FGF22: variants seen among roughly 807,000 people sequenced by gnomAD.
FGF22 encodes the protein fibroblast growth factor 22.
Under a neutral mutation model 10.3 loss-of-function variants are expected in FGF22, and 11 were observed. That is an observed-to-expected ratio of 1.07 (90% CI 0.67 to 1.77). The LOEUF (loss-of-function observed/expected upper bound fraction) is 1.77. FGF22 is among the 40% of genes most tolerant of loss of function. The probability of loss-of-function intolerance (pLI) is 0.00; values close to 1 mark genes in which losing one functional copy is unlikely to be tolerated. For synonymous variants in FGF22, 136 were observed against 122.1 expected (o/e 1.11, Z -0.75); for missense variants, 317 against 273.2 (o/e 1.16, Z -1.13).
At chr19:643,047 G>T (rs890731258) in intron 1 of FGF22, among the ~76,000 whole-genome samples, 188 bp from the exon 2 acceptor site, 1 of 152,122 alleles carries the variant, frequency 6.6e-6, no homozygotes, top group Non-Finnish European at 1.5e-5. Flanking sequence ...CACATGCTGG[G>T]GGGGGCTCCT....
chr19:642,050 G>A (rs1025136796), intron 1 of FGF22, among the ~76,000 whole-genome samples: 10 of 152,204 alleles, frequency 6.6e-5, no homozygotes, highest in African/African-American at 1.9e-4. Flanking sequence ...GCTGCTGAGC[G>A]GGCTTGGTAG....
chr19:643,849 G>C (rs11572894), exon 3 of FGF22: 7 of 488,250 alleles, frequency 1.4e-5, no homozygotes, highest in East Asian at 1.4e-4. Flanking sequence ...GAAGGACGCA[G>C]ACGTCGAAAG....
exon 3 of FGF22, chr19:643,437 C>A: frequency 6.2e-7 from 1 of 1,611,414 alleles, no homozygotes; most frequent in Non-Finnish European, 8.5e-7. Flanking sequence ...CTGCAGGTTC[C>A]GGGAGCGCAT....
chr19:640,705 A>C (rs1328996070), intron 1 of FGF22: 2 of 174,344 alleles, frequency 1.1e-5, no homozygotes, highest in Non-Finnish European at 2.5e-5. Context: ...ACACTGAGGT[A>C]GGCCCTCAGT....
intron 1 of FGF22, chr19:641,140 G>A: frequency 2.2e-6 from 1 of 456,178 alleles, no homozygotes; most frequent in South Asian, 1.5e-5. Flanking sequence ...TGCATTCGCT[G>A]GTCACTAATC....
At chr19:643,636 C>T (rs1985990905) in exon 3 of FGF22, 2 of 1,470,016 alleles carry the variant, frequency 1.4e-6, no homozygotes, top group Non-Finnish European at 1.8e-6. Flanking sequence ...CCCCAAGGTG[C>T]CTGGGCTGGT....
At chr19:644,048 A>C in exon 3 of FGF22, 1 of 185,806 alleles carries the variant, frequency 5.4e-6, no homozygotes, top group Non-Finnish European at 1.1e-5. Flanking sequence ...GCGAGGACAA[A>C]GGCACCTGCA....
chr19:641,790 G>A (rs546734942), intron 1 of FGF22, among the ~76,000 whole-genome samples: 24 of 152,240 alleles, frequency 1.6e-4, no homozygotes, highest in Admixed American at 3.9e-4. Flanking sequence ...AGGCTGCCCC[G>A]AGGAGCTTTC....
intron 1 of FGF22, chr19:641,569 CGTCTCAAAAAAAAAAAAAAAAAAA>C (rs1985903013): frequency 7.4e-6 from 1 of 135,990 alleles, no homozygotes. Flanking sequence ...AGCGAGACTC[CGTCTCAAAAAAAAAAAAAAAAAAA>C]GAACAGTGAA....
At chr19:640,478 C>T (rs1213858275) in intron 1 of FGF22, 2 of 215,448 alleles carry the variant, frequency 9.3e-6, no homozygotes, top group Non-Finnish European at 1.8e-5. Flanking sequence ...GGGGGCTGAC[C>T]TCCGGACTCC....
Position 640,155 on chromosome 19 carries a change from C to T in FGF22, c.214+16C>T. 1 of 1,195,812 alleles carries T rather than the reference C, an allele frequency of 8.4e-7. No individual in the cohort carries two copies. The highest frequency in any genetic ancestry group is 2.4e-5 in the South Asian group (1 of 41,876). 74.1% of individuals were successfully genotyped at this position (1,195,812 alleles called of 1,614,324 possible). A position where few individuals can be genotyped will look rare whatever the true frequency, so the allele number is the denominator to read the frequency against. ...GGCCAGGACAGTGAGTGCGGGGCGG[C>T]GGGGGCCTGGGGTGGGGAGGCGGCG... On this transcript the variant is annotated intron_variant, in intron 1 of 2. Transcript: ENST00000215530.
chr19:643,292 C>G lies in FGF22; in HGVS notation c.272C>G (p.Ser91Ter). The change falls in exon 2 of 3, where the codon TCA becomes TGA. Residue 91 changes from serine (S) to a stop codon, truncating the protein, a stop_gained. Transcript: ENST00000215530. LOFTEE classifies it low-confidence loss of function (END_TRUNC). The stretch of plus-strand genomic sequence containing the variant: ...GTCGTGGTCATCAAAGCAGTGTCCT[C>G]AGGCTTCTACGTGGCCATGAACCGC... The G allele has an allele frequency of 1.2e-6, 2 of 1,611,554 alleles. No homozygotes were observed. Among genetic ancestry groups the G allele is most frequent in the Non-Finnish European group, 1.7e-6 (2 of 1,179,496 alleles).
chr19:640,173 A>G (rs2144740757), intron 1 of FGF22, 34 bp downstream of exon 1: 1 of 1,201,496 alleles, frequency 8.3e-7, no homozygotes, highest in South Asian at 2.8e-5. Context: ...TGGGGTGGGG[A>G]GGCGGCGGGT....
exon 3 of FGF22, chr19:644,003 G>C (rs1003082281): frequency 3.9e-5 from 10 of 255,250 alleles, no homozygotes; most frequent in Non-Finnish European, 7.4e-5. Flanking sequence ...CCTCGAAGCC[G>C]GTCCCGTCCC....
At position 639,916 on chromosome 19, in the gene FGF22, G is replaced by T. The variant is rs758283717; in HGVS notation, c.-10G>T. The T allele has an allele frequency of 1.2e-5, 14 of 1,217,006 alleles. No individual in the cohort carries two copies. In the African/African-American group the frequency reaches 1.7e-4, roughly 15 times the overall value. The allele number at this position is 1,217,006 out of a possible 1,614,324, so 75.4% of individuals were successfully genotyped here. A position where few individuals can be genotyped will look rare whatever the true frequency, so the allele number is the denominator to read the frequency against. On this transcript the variant is annotated 5_prime_UTR_variant, in exon 1 of 3. Coordinates refer to ENST00000215530, the Ensembl canonical transcript of FGF22. Reference sequence around the variant, plus strand: ...GAGCGACGAGCGCGCAGCGAACCGGGTGCCGGGTCATGCGCCGCCGCCTGT... The same window carrying T: ...GAGCGACGAGCGCGCAGCGAACCGGTTGCCGGGTCATGCGCCGCCGCCTGT...
chr19:641,137 G>T (rs1022346710), intron 1 of FGF22: 1 of 456,082 alleles, frequency 2.2e-6, no homozygotes, highest in East Asian at 7.0e-5. Flanking sequence ...TCGTGCATTC[G>T]CTGGTCACTA....
In FGF22 at chr19:640,225, C is replaced by T. The variant is rs1985857058; in HGVS notation, c.214+86C>T. On this transcript the variant is annotated intron_variant, in intron 1 of 2. Coordinates refer to ENST00000215530, the Ensembl canonical transcript of FGF22. ...CCGTCTTCACGGTGACCTGCGCCCGCGGGGGAGTCCCGGAGGCTCCTCTGT... is the reference window on the plus strand; with the variant it reads ...CCGTCTTCACGGTGACCTGCGCCCGTGGGGGAGTCCCGGAGGCTCCTCTGT... The T allele has an allele frequency of 5.4e-6, 5 of 931,708 alleles. No individual in the cohort carries two copies. In the South Asian group the frequency reaches 1.3e-4, roughly 23 times the overall value. The allele number at this position is 931,708 out of a possible 1,614,324, so 57.7% of individuals were successfully genotyped here.
At chr19:643,558 G>A (rs1272129614) in exon 3 of FGF22, 19 of 1,584,992 alleles carry the variant, frequency 1.2e-5, no homozygotes, top group East Asian at 6.9e-5. Context: ...GGCCGGACGC[G>A]GCGGTACCAC....
In FGF22 at chr19:640,098, G is replaced by T. The variant is rs766532254; in HGVS notation, c.173G>T (p.Gly58Val). 69 of 1,397,148 alleles carry T rather than the reference G, an allele frequency of 4.9e-5. No individual in the cohort carries two copies. In the African/African-American group the frequency reaches 8.5e-4, roughly 17 times the overall value. 86.5% of individuals were successfully genotyped at this position (1,397,148 alleles called of 1,614,324 possible). A position where few individuals can be genotyped will look rare whatever the true frequency, so the allele number is the denominator to read the frequency against. The change falls in exon 1 of 3, where the codon GGC (glycine) becomes GTC (valine). Residue 58 changes from glycine to valine, a missense_variant. Coordinates refer to ENST00000215530, the Ensembl canonical transcript of FGF22. ...CACTTCTTCCTGCGCGTGGATCCCG[G>T]CGGCCGCGTGCAGGGCACCCGCTGG... is the stretch of plus-strand genomic sequence containing the variant.
Sources: allele counts gnomAD v4.1 joint callset (sites outside exome capture counted in the v4.1 genomes callset), GRCh38; gene constraint gnomAD v4.1.1; transcripts MANE v1.5; gene names NCBI Gene and HGNC (gene_info 2026-07-23, HGNC 2026-07-21).